Variants in COP1 observed in about 807,000 individuals in gnomAD.
COP1 encodes E3 ubiquitin-protein ligase COP1.
COP1 carries 24 observed loss-of-function variants against 101.3 expected under a neutral mutation model. That is an observed-to-expected ratio of 0.24 (90% CI 0.17 to 0.33). The LOEUF is 0.33. Ranked by LOEUF, COP1 falls within the 10% of genes least tolerant of loss-of-function variation. The pLI, the probability that COP1 is intolerant of heterozygous loss-of-function variation, is 1.00. For synonymous variants in COP1, 347 were observed against 341.9 expected (o/e 1.01, Z -0.17); for missense variants, 663 against 906.2 (o/e 0.73, Z 3.45).
chr1:176,110,922 G>C (rs1406426581), intron 9 of COP1, among the ~76,000 whole-genome samples: 1 of 152,174 alleles, frequency 6.6e-6, no homozygotes, highest in Non-Finnish European at 1.5e-5. Context: ...GGGAGGCTGA[G>C]GCATGCAGAT....
chr1:176,122,757 A>C (rs1044735710), intron 8 of COP1, among the ~76,000 whole-genome samples: 1 of 152,248 alleles, frequency 6.6e-6, no homozygotes, highest in Non-Finnish European at 1.5e-5. Flanking sequence ...AAACTGAAAA[A>C]GGAAAGCAAA....
At chr1:176,177,233 T>C (rs958888043) in intron 2 of COP1, among the ~76,000 whole-genome samples, 1 of 151,854 alleles carries the variant, frequency 6.6e-6, no homozygotes, top group Non-Finnish European at 1.5e-5. Context: ...TTACATTATA[T>C]ATTTCTATAA....
chr1:176,006,990 C>G (rs1179568652), intron 15 of COP1, among the ~76,000 whole-genome samples: 2 of 152,068 alleles, frequency 1.3e-5, no homozygotes, highest in Admixed American at 6.6e-5. Context: ...GTATACCAAT[C>G]AGATGTAGAT....
rs927655535 is a variant in COP1, at chr1:176,071,112, T to A, written c.1277+10040A>T. Among the ~76,000 whole-genome samples the A allele has an allele frequency of 3.3e-5, 5 of 152,232 alleles. 1 individual carries two copies. Among genetic ancestry groups the A allele is most frequent in the Non-Finnish European group, 4.4e-5 (3 of 68,040 alleles). On this transcript the variant is annotated intron_variant, in intron 11 of 19. Coordinates refer to ENST00000367669, the MANE Select transcript of COP1 (RefSeq NM_022457.7). The stretch of plus-strand genomic sequence containing the variant: ...AATCCATAATGCTGGAGGTAGGGCC[T>A]GATGGGAGGTGACTGAATCATGGAG...
At chr1:176,092,052 A>G (rs758980650) in intron 9 of COP1, among the ~76,000 whole-genome samples, 11 of 152,176 alleles carry the variant, frequency 7.2e-5, no homozygotes, top group Non-Finnish European at 1.2e-4. Flanking sequence ...TCTGTATGTA[A>G]TAAGAGAGCC....
At chr1:175,990,956 T>C (rs1658286518) in intron 15 of COP1, among the ~76,000 whole-genome samples, 1 of 151,960 alleles carries the variant, frequency 6.6e-6, no homozygotes, top group African/African-American at 2.4e-5. Context: ...TGTTACAACA[T>C]TCAACATACT....
rs560650549 is a variant in COP1, at chr1:176,006,218, CT to C, written c.1730-16740del. Among the ~76,000 whole-genome samples the C allele has an allele frequency of 8.4e-4, 128 of 152,112 alleles. 1 individual carries two copies. The Middle Eastern group carries it at 0.01, about 12-fold the overall frequency. ...TTTGCTTGGTAGATCTTCCTCCATC[CT>C]TTTATTTTGAGCCTATGTGTGTCTC... On this transcript the variant is annotated intron_variant, in intron 15 of 19. Transcript: ENST00000367669.
At chr1:176,136,608 C>A (rs185653089) in intron 6 of COP1, 61 bp from the exon 7 acceptor site, 669 of 1,054,678 alleles carry the variant, frequency 6.3e-4, no homozygotes, top group Non-Finnish European at 8.9e-4. Context: ...ACCAAAATGG[C>A]ATCACCATGA....
At chr1:176,062,890 C>T (rs1421259961) in intron 11 of COP1, among the ~76,000 whole-genome samples, 1 of 151,998 alleles carries the variant, frequency 6.6e-6, no homozygotes, top group Non-Finnish European at 1.5e-5. Context: ...AAGCTAGACA[C>T]AAAAGAACAT....
chr1:175,974,922 C>CAAAAAAA, intron 18 of COP1, among the ~76,000 whole-genome samples: 1 of 91,292 alleles, frequency 1.1e-5, no homozygotes, highest in Non-Finnish European at 2.2e-5. Context: ...GACCCTGTCT[C>CAAAAAAA]AAAAAAAAAA....
intron 9 of COP1, among the ~76,000 whole-genome samples, chr1:176,094,905 C>T (rs572929395): frequency 1.4e-4 from 22 of 152,134 alleles, no homozygotes; most frequent in East Asian, 1.9e-4. Context: ...TATAAAATAG[C>T]GGAGTACAAA....
chr1:176,198,914 A>G (rs1699994675), intron 1 of COP1, among the ~76,000 whole-genome samples: 1 of 152,236 alleles, frequency 6.6e-6, no homozygotes, highest in African/African-American at 2.4e-5. Flanking sequence ...TATTTAAAAG[A>G]CTGAAAACAC....
chr1:176,091,441 A>G (rs1041421304), intron 9 of COP1, among the ~76,000 whole-genome samples: 1 of 152,174 alleles, frequency 6.6e-6, no homozygotes, highest in Non-Finnish European at 1.5e-5. Flanking sequence ...ATAAAAAAAG[A>G]GAGCAAGGAA....
Position 176,189,644 on chromosome 1 carries a change from CAAAT to C in COP1, c.408-4956_408-4953del, listed in dbSNP as rs376912125. Among the ~76,000 whole-genome samples the C allele has an allele frequency of 6.0e-4, 90 of 151,246 alleles. 1 individual carries two copies. In the South Asian group the frequency reaches 0.016, roughly 27 times the overall value. On this transcript the variant is annotated intron_variant, in intron 1 of 19. Transcript: ENST00000367669. ...AGACAGACAGAAACTAGGATGTACA[CAAAT>C]AAAGAGCTCTAAAAATAGTAATGAT...
At chr1:176,067,627 A>G (rs1676231573) in intron 11 of COP1, among the ~76,000 whole-genome samples, 1 of 151,972 alleles carries the variant, frequency 6.6e-6, no homozygotes, top group Admixed American at 6.5e-5. Flanking sequence ...CAACCTCCCT[A>G]ACAGCTACCA....
At chr1:176,037,602 A>C (rs1445860564) in intron 14 of COP1, among the ~76,000 whole-genome samples, 16 of 152,164 alleles carry the variant, frequency 1.1e-4, no homozygotes, top group Admixed American at 1.0e-3. Flanking sequence ...ACAGAAAAAG[A>C]ATAATACATT....
chr1:176,026,545 T>G (rs1398299791), intron 15 of COP1, among the ~76,000 whole-genome samples: 1 of 152,014 alleles, frequency 6.6e-6, no homozygotes, highest in Non-Finnish European at 1.5e-5. Context: ...GAAAACAGCA[T>G]GTAATCATTA....
At chr1:175,947,416 G>A in intron 18 of COP1, 177 bp from the exon 19 acceptor site, 1 of 521,320 alleles carries the variant, frequency 1.9e-6, no homozygotes, top group Non-Finnish European at 3.4e-6. Context: ...TGTTGCCCAG[G>A]CTGGAGTGCA....
intron 16 of COP1, 105 bp from the exon 17 acceptor site, chr1:175,988,517 C>G: frequency 8.9e-7 from 1 of 1,118,282 alleles, no homozygotes; most frequent in Non-Finnish European, 1.3e-6. Context: ...AATGCAGGCT[C>G]TGGAGCCAGA....
Sources: allele counts gnomAD v4.1 joint callset (sites outside exome capture counted in the v4.1 genomes callset), GRCh38; gene constraint gnomAD v4.1.1; transcripts MANE v1.5; gene names NCBI Gene and HGNC (gene_info 2026-07-23, HGNC 2026-07-21).